The following PCDHGB1 variants were observed in gnomAD, a reference collection of about 807,000 sequenced individuals.
The protein encoded by PCDHGB1 is protocadherin gamma subfamily B, 1, also known as protocadherin gamma-B1.
A neutral mutation model predicts 56.6 loss-of-function variants in PCDHGB1; 34 were observed. The observed-to-expected ratio is 0.60, with a 90% CI of 0.46 to 0.80. The LOEUF (loss-of-function observed/expected upper bound fraction) is 0.80. PCDHGB1 is among the 30% of genes least tolerant of loss of function. The pLI, the probability that PCDHGB1 is intolerant of heterozygous loss-of-function variation, is 0.00. For synonymous variants in PCDHGB1, 561 were observed against 505.9 expected, an observed-to-expected ratio of 1.11 and a Z score of -1.46; for missense variants, 1,278 against 1,204.6, an observed-to-expected ratio of 1.06 and a Z score of -0.90.
chr5:141,465,643 C>T (rs561758040), intron 1 of PCDHGB1, among the ~76,000 whole-genome samples: 2 of 152,306 alleles, frequency 1.3e-5, no homozygotes, highest in East Asian at 3.9e-4. Flanking sequence ...ATGCTTTGAA[C>T]ATCCCAAAAA....
At position 141,505,425 on chromosome 5, in the gene PCDHGB1, C is replaced by G; in HGVS notation, c.2501C>G (p.Pro834Arg). 1 of 1,614,178 alleles carries G rather than the reference C, an allele frequency of 6.2e-7. No individual in the cohort carries two copies. Among genetic ancestry groups the G allele is most frequent in the Non-Finnish European group, 8.5e-7 (1 of 1,180,014 alleles). ...SQNGDDTGTW[P>R]NNQFDTEMLQ... ...AATGGCGATGACACCGGCACCTGGC[C>G]CAACAACCAGTTTGACACAGAGATG... The change falls in exon 3 of 4, where the codon CCC becomes CGC. Residue 834 changes from proline to arginine, a missense_variant. Transcript: ENST00000523390.
chr5:141,400,387 C>T, intron 1 of PCDHGB1: 2 of 1,614,068 alleles, frequency 1.2e-6, no homozygotes, highest in Non-Finnish European at 1.7e-6. Context: ...ATGTGTTGCA[C>T]ATACAGGAAA....
chr5:141,388,826 CAT>C, intron 1 of PCDHGB1: 1 of 1,613,864 alleles, frequency 6.2e-7, no homozygotes, highest in Non-Finnish European at 8.5e-7. Flanking sequence ...AAGAATATTC[CAT>C]AGTTTTGGAA....
At chr5:141,483,240 T>C (rs2099578643) in intron 1 of PCDHGB1, among the ~76,000 whole-genome samples, 2 of 151,742 alleles carry the variant, frequency 1.3e-5, no homozygotes, top group Non-Finnish European at 1.5e-5. Flanking sequence ...TGAACTGATA[T>C]GCATATATCA....
At chr5:141,409,840 G>A (rs1361942011) in intron 1 of PCDHGB1, 3 of 1,611,558 alleles carry the variant, frequency 1.9e-6, no homozygotes, top group African/African-American at 1.3e-5. Flanking sequence ...GCGCCAACGT[G>A]AGCCTGCGCG....
rs774563598 is a variant in PCDHGB1 at position 141,431,225 on chromosome 5, C to T, written c.2410-63582C>T. 16 of 1,614,118 alleles carry T rather than the reference C, an allele frequency of 9.9e-6. No individual in the cohort carries two copies. The highest frequency in any genetic ancestry group is 1.2e-5 in the Non-Finnish European group (14 of 1,180,036). On this transcript the variant is annotated intron_variant, in intron 1 of 3. Transcript: ENST00000523390. The surrounding 1 kb of genome is among the most constrained non-coding windows in gnomAD (Gnocchi z 4.8). ...CACTGAGATGCGGTTCCCTCTACCC[C>T]ACGCCTGGGATCCGGATATCGGGAA...
At chr5:141,402,514 AAT>A (rs1200847622) in intron 1 of PCDHGB1, among the ~76,000 whole-genome samples, 1 of 152,218 alleles carries the variant, frequency 6.6e-6, no homozygotes, top group East Asian at 1.9e-4. Flanking sequence ...AATATTAAGC[AAT>A]GGTTTGTGAT....
At chr5:141,430,603 C>A in intron 1 of PCDHGB1, 1 of 632,906 alleles carries the variant, frequency 1.6e-6, no homozygotes, top group Non-Finnish European at 2.5e-6. Context: ...GCGCCTGAAG[C>A]ACAAAGCAGA....
At chr5:141,460,965 G>A (rs1398642676) in intron 1 of PCDHGB1, among the ~76,000 whole-genome samples, 21 of 114,476 alleles carry the variant, frequency 1.8e-4, no homozygotes, top group African/African-American at 8.5e-4. Flanking sequence ...ATATATATGT[G>A]TGTGTGTGTG....
chr5:141,366,556 C>A (rs1764642074), intron 1 of PCDHGB1: 1 of 1,614,234 alleles, frequency 6.2e-7, no homozygotes, highest in Non-Finnish European at 8.5e-7. Flanking sequence ...ACTTTGTGGG[C>A]GTGGATGGGG....
rs1763497131 is a variant in PCDHGB1 at position 141,364,712 on chromosome 5, G to C, written c.2409+12043G>C. 1.9e-6 allele frequency: 3 copies of C among 1,613,834 alleles called. No homozygotes were observed. In the Admixed American group the frequency reaches 5.0e-5, roughly 27 times the overall value. On this transcript the variant is annotated intron_variant, in intron 1 of 3. Coordinates refer to ENST00000523390, the MANE Select transcript of PCDHGB1 (RefSeq NM_018922.3). ...AGAAGTAGAAATAATCGATATTAAT[G>C]ATAACTTCCCGCGTTTCCGGGATGA...
At chr5:141,393,285 G>A (rs771057124) in intron 1 of PCDHGB1, 2 of 1,613,966 alleles carry the variant, frequency 1.2e-6, no homozygotes, top group Non-Finnish European at 1.7e-6. Context: ...CCCAGAAGCT[G>A]TTGACCCGGA....
Position 141,420,299 on chromosome 5 carries a change from T to A in PCDHGB1, c.2409+67630T>A, listed in dbSNP as rs377297222. On this transcript the variant is annotated intron_variant, in intron 1 of 3. Coordinates refer to ENST00000523390, the MANE Select transcript of PCDHGB1 (RefSeq NM_018922.3). Reference sequence around the variant, plus strand: ...GGTAAGTATTTAAAAATGTATTTAATCCTTTTTATATTACAATATGCCAAT... The same window carrying A: ...GGTAAGTATTTAAAAATGTATTTAAACCTTTTTATATTACAATATGCCAAT... 6.8e-6 allele frequency: 10 copies of A among 1,465,980 alleles called. No homozygotes were observed. The African/African-American group carries it at 1.4e-4, about 21-fold the overall frequency. 90.8% of individuals were successfully genotyped at this position (1,465,980 alleles called of 1,614,324 possible). A position where few individuals can be genotyped will look rare whatever the true frequency, so the allele number is the denominator to read the frequency against.
chr5:141,413,490 G>T (rs1255775347), intron 1 of PCDHGB1: 2 of 1,614,070 alleles, frequency 1.2e-6, no homozygotes, highest in Admixed American at 3.3e-5. Flanking sequence ...AGAGCGCGCG[G>T]TGCGTGGTGA....
At chr5:141,393,222 G>T (rs950133126) in intron 1 of PCDHGB1, 2 of 1,613,670 alleles carry the variant, frequency 1.2e-6, no homozygotes, top group East Asian at 2.2e-5. Flanking sequence ...CCAGGTCGAA[G>T]ATCTAGAAGT....
chr5:141,351,363 G>A lies in PCDHGB1; in HGVS notation c.1103G>A (p.Arg368Gln), dbSNP rs539097472. 158 of 1,612,860 alleles carry A rather than the reference G, an allele frequency of 9.8e-5. No homozygotes were observed. In the Admixed American group the frequency reaches 1.4e-3, roughly 15 times the overall value. Residue 368 changes from arginine (R) to glutamine (Q), a missense_variant, in exon 1 of 4, where the codon CGA becomes CAA. Transcript: ENST00000523390. The stretch of plus-strand genomic sequence containing the variant: ...ACTGTAATAGCCCTCATAAAAGTGC[G>A]AGACAAGGATTCTGGGCAAAATGGC... ...LGTVIALIKV[R>Q]DKDSGQNGMV...
chr5:141,416,458 G>A (rs1391820726), intron 1 of PCDHGB1: 1 of 152,194 alleles, frequency 6.6e-6, no homozygotes, highest in Non-Finnish European at 1.5e-5. Flanking sequence ...TGGGAAGACA[G>A]ATAAATTTGT....
At position 141,477,965 on chromosome 5, in the gene PCDHGB1, A is replaced by G. The variant is rs1415974296; in HGVS notation, c.2410-16842A>G. On this transcript the variant is annotated intron_variant, in intron 1 of 3. Coordinates refer to ENST00000523390, the MANE Select transcript of PCDHGB1 (RefSeq NM_018922.3). This position sits in a 1 kb window ranked among gnomAD's most constrained non-coding sequence, Gnocchi z 4.9. ...CAGTCTCTTGGGATCCCCTAACCAGAGCCTTTTTGCCATAGGGCTGCACAC... is the reference window on the plus strand; with the variant it reads ...CAGTCTCTTGGGATCCCCTAACCAGGGCCTTTTTGCCATAGGGCTGCACAC... 4 of 1,614,030 alleles carry G rather than the reference A, an allele frequency of 2.5e-6. No individual in the cohort carries two copies. In the Middle Eastern group the frequency reaches 4.9e-4, roughly 200 times the overall value.
chr5:141,441,362 G>A (rs1489202253), intron 1 of PCDHGB1: 1 of 152,484 alleles, frequency 6.6e-6, no homozygotes, highest in Non-Finnish European at 1.5e-5. Context: ...AACAAATGGG[G>A]CCGTGGACCA....
Sources: allele counts gnomAD v4.1 joint callset (sites outside exome capture counted in the v4.1 genomes callset), GRCh38; gene constraint gnomAD v4.1.1; non-coding constraint Gnocchi (gnomAD v3.1); transcripts MANE v1.5; gene names NCBI Gene and HGNC (gene_info 2026-07-23, HGNC 2026-07-21).